Variants in CDK14 observed in about 807,000 individuals in gnomAD.
The protein encoded by CDK14 is cyclin-dependent kinase 14.
Under a neutral mutation model 60.7 loss-of-function variants are expected in CDK14, and 34 were observed. That is an observed-to-expected ratio of 0.56 (90% confidence interval 0.43 to 0.75). CDK14 has a LOEUF of 0.75. CDK14 is among the 30% of genes least tolerant of loss of function. The pLI, the probability that CDK14 is intolerant of heterozygous loss-of-function variation, is 0.00. For missense variants in CDK14, 482 were observed against 564.1 expected, an observed-to-expected ratio of 0.85 and a Z score of 1.47; for synonymous variants, 197 against 203.7, an observed-to-expected ratio of 0.97 and a Z score of 0.28.
chr7:90,704,297 T>G lies in CDK14; in HGVS notation c.124-22270T>G, dbSNP rs1801849252. Among the ~76,000 whole-genome samples the G allele has an allele frequency of 2.0e-5, 3 of 152,236 alleles. No homozygotes were observed. The South Asian group carries it at 6.2e-4, about 31-fold the overall frequency. The stretch of plus-strand genomic sequence containing the variant: ...ATTTTAATTTCCAACTTAGATGAAG[T>G]TCATAACAAAACATTTTTTCACCTG... On this transcript the variant is annotated intron_variant, in intron 2 of 14. Transcript: ENST00000380050.
chr7:90,656,965 A>T (rs563748963), intron 2 of CDK14, among the ~76,000 whole-genome samples: 18 of 152,234 alleles, frequency 1.2e-4, no homozygotes, highest in Non-Finnish European at 2.1e-4. Context: ...TTTGAGATTT[A>T]TGCCTCTCTC....
intron 5 of CDK14, among the ~76,000 whole-genome samples, chr7:90,812,489 G>A (rs1178004905): frequency 6.6e-6 from 1 of 152,144 alleles, no homozygotes; most frequent in Non-Finnish European, 1.5e-5. Context: ...AGGGGGGACG[G>A]ATTGCATTAG....
chr7:90,881,145 TG>T (rs1791737962), intron 6 of CDK14, among the ~76,000 whole-genome samples: 2 of 151,986 alleles, frequency 1.3e-5, no homozygotes, highest in Admixed American at 1.3e-4. Flanking sequence ...AAAACTACGG[TG>T]AACTAAAGGA....
At chr7:91,062,056 A>G (rs906945241) in intron 11 of CDK14, among the ~76,000 whole-genome samples, 26 of 152,200 alleles carry the variant, frequency 1.7e-4, no homozygotes, top group Middle Eastern at 3.4e-3. Context: ...ACCCAGTTCG[A>G]GCTTCCTGGC....
intron 2 of CDK14, among the ~76,000 whole-genome samples, chr7:90,716,978 T>C (rs751172511): frequency 3.9e-5 from 6 of 152,068 alleles, no homozygotes; most frequent in Non-Finnish European, 8.8e-5. Flanking sequence ...GTGATTCCCG[T>C]GCTGCCAGTC....
intron 10 of CDK14, among the ~76,000 whole-genome samples, chr7:91,008,884 A>T (rs956899964): frequency 1.3e-5 from 2 of 152,136 alleles, no homozygotes; most frequent in Non-Finnish European, 2.9e-5. Flanking sequence ...TGTAAATTGC[A>T]TGTTTAAGGT....
chr7:91,152,886 A>C (rs1421776277), intron 14 of CDK14, among the ~76,000 whole-genome samples: 3 of 152,248 alleles, frequency 2.0e-5, no homozygotes, highest in Admixed American at 2.0e-4. Context: ...TATAATAACT[A>C]TATGCCCCAC....
intron 5 of CDK14, among the ~76,000 whole-genome samples, chr7:90,805,322 A>C (rs1195003017): frequency 6.6e-6 from 1 of 152,090 alleles, no homozygotes; most frequent in Non-Finnish European, 1.5e-5. Flanking sequence ...TTAATAGAAT[A>C]AAGTTTAAAA....
chr7:91,009,175 C>A (rs1384321056), intron 10 of CDK14, among the ~76,000 whole-genome samples: 1 of 152,114 alleles, frequency 6.6e-6, no homozygotes, highest in Non-Finnish European at 1.5e-5. Context: ...TGAGATCCAT[C>A]CATGTTGTTG....
At chr7:90,996,402 G>GA (rs1184784644) in intron 10 of CDK14, among the ~76,000 whole-genome samples, 2 of 152,084 alleles carry the variant, frequency 1.3e-5, no homozygotes, top group Admixed American at 1.3e-4. Flanking sequence ...CGCCCTGCAA[G>GA]AAAAAAGCCT....
intron 2 of CDK14, among the ~76,000 whole-genome samples, chr7:90,706,612 G>T (rs1801902085): frequency 6.6e-6 from 1 of 152,138 alleles, no homozygotes; most frequent in African/African-American, 2.4e-5. Context: ...AGGAAAGCCA[G>T]AGAAGGACTC....
intron 6 of CDK14, among the ~76,000 whole-genome samples, chr7:90,888,585 AT>A (rs1792024083): frequency 6.6e-6 from 1 of 151,860 alleles, no homozygotes; most frequent in South Asian, 2.1e-4. Flanking sequence ...CTGTTCATTC[AT>A]GTTGCTTTCA....
intron 5 of CDK14, among the ~76,000 whole-genome samples, chr7:90,806,411 CAAT>C (rs1245361340): frequency 2.6e-5 from 4 of 152,092 alleles, no homozygotes; most frequent in African/African-American, 7.2e-5. Flanking sequence ...GTCCAAAACT[CAAT>C]GATGAAAAGA....
Position 90,677,531 on chromosome 7 carries a change from C to A in CDK14, c.124-49036C>A, listed in dbSNP as rs78294201. On this transcript the variant is annotated intron_variant, in intron 2 of 14. Coordinates refer to ENST00000380050, the MANE Select transcript of CDK14 (RefSeq NM_001287135.2). ...TTTCAGTTGTGTTCTTAAAATCTAA[C>A]CTGATAGTGATTTTACTGAGGCCTC... Among the ~76,000 whole-genome samples, 1,418 of 152,170 alleles carry A rather than the reference C, an allele frequency of 9.3e-3. 22 individuals are homozygous for A. Among genetic ancestry groups the A allele is most frequent in the African/African-American group, 0.031 (1,292 of 41,502 alleles).
intron 6 of CDK14, among the ~76,000 whole-genome samples, chr7:90,897,375 A>G (rs1792369675): frequency 6.6e-6 from 1 of 152,068 alleles, no homozygotes; most frequent in South Asian, 2.1e-4. Context: ...AAGCGTTTCA[A>G]CACATCATGG....
At chr7:91,049,254 A>T (rs1316330615) in intron 11 of CDK14, among the ~76,000 whole-genome samples, 3 of 152,164 alleles carry the variant, frequency 2.0e-5, no homozygotes, top group Non-Finnish European at 4.4e-5. Context: ...TTGAAAAATG[A>T]TCCTTTCTAA....
chr7:91,052,540 A>T (rs771220400), intron 11 of CDK14, among the ~76,000 whole-genome samples: 1 of 152,226 alleles, frequency 6.6e-6, no homozygotes, highest in Non-Finnish European at 1.5e-5. Context: ...AATAATGTGT[A>T]GATTCCATGT....
At chr7:90,608,226 A>G (rs988216705) in intron 2 of CDK14, among the ~76,000 whole-genome samples, 1 of 152,228 alleles carries the variant, frequency 6.6e-6, no homozygotes, top group African/African-American at 2.4e-5. Context: ...GGAATAATGA[A>G]CAATAACTAC....
Position 90,892,069 on chromosome 7 carries a change from G to A in CDK14, c.640-7222G>A, listed in dbSNP as rs115826083. On this transcript the variant is annotated intron_variant, in intron 6 of 14. Transcript: ENST00000380050. ...GTTCTCCTATACTTGTTTCTGCCCT[G>A]GAAATGGCAAAATTTCATGTCCAAG... Among the ~76,000 whole-genome samples the A allele has an allele frequency of 5.3e-3, 811 of 152,270 alleles. 7 individuals carry two copies. The highest frequency in any genetic ancestry group is 0.018 in the African/African-American group (764 of 41,556).
Sources: allele counts gnomAD v4.1 joint callset (sites outside exome capture counted in the v4.1 genomes callset), GRCh38; gene constraint gnomAD v4.1.1; transcripts MANE v1.5; gene names NCBI Gene and HGNC (gene_info 2026-07-23, HGNC 2026-07-21).